The following SPATA6L variants were observed in gnomAD, a reference collection of about 807,000 sequenced individuals.
SPATA6L encodes the protein spermatogenesis associated 6 like, also known as spermatogenesis associated 6-like protein.
A neutral mutation model predicts 49.2 loss-of-function variants in SPATA6L; 68 were observed. That is an observed-to-expected ratio of 1.38 (90% CI 1.14 to 1.69). The LOEUF is 1.69. Among genes scored for constraint, SPATA6L ranks in the 40% most tolerant of loss-of-function variants. SPATA6L has a pLI of 0.00. For synonymous variants in SPATA6L, 198 were observed against 165.7 expected (o/e 1.19, Z -1.50); for missense variants, 668 against 464.3 (o/e 1.44, Z -4.03).
At chr9:4,643,922 A>G (rs1834636643) in intron 3 of SPATA6L, among the ~76,000 whole-genome samples, 1 of 151,658 alleles carries the variant, frequency 6.6e-6, no homozygotes, top group Admixed American at 6.6e-5. Flanking sequence ...CAGGAGAATC[A>G]CTTGAACACG....
chr9:4,659,282 C>G (rs1485778364), intron 2 of SPATA6L, among the ~76,000 whole-genome samples: 1 of 152,204 alleles, frequency 6.6e-6, no homozygotes, highest in Non-Finnish European at 1.5e-5. Context: ...AGATAGGTCA[C>G]TTTCTGGGCA....
At chr9:4,657,468 G>C (rs1587505404) in intron 2 of SPATA6L, among the ~76,000 whole-genome samples, 1 of 151,910 alleles carries the variant, frequency 6.6e-6, no homozygotes, top group East Asian at 1.9e-4. Context: ...GATCATACTG[G>C]GATAGGGTAG....
chr9:4,629,097 T>C lies in SPATA6L; in HGVS notation c.423A>G (p.Arg141=). The C allele has an allele frequency of 1.9e-6, 3 of 1,604,950 alleles. No individual in the cohort carries two copies. The highest frequency in any genetic ancestry group is 2.6e-6 in the Non-Finnish European group (3 of 1,174,260). Residue 141 remains arginine, a synonymous_variant, in exon 5 of 12, where the codon AGA becomes AGG. Transcript: ENST00000682582. ...AGATTTGTATTGTACTTACAAGAAA[T>C]CTGTTTCTATGCAGAAACACACATT... The part of the protein sequence containing the change: ...IRECVFLHRN[R]FLEERHESRR...
In SPATA6L at chr9:4,662,954, C is replaced by T. The variant is rs764381545; in HGVS notation, c.40-918G>A. On this transcript the variant is annotated intron_variant, in intron 1 of 11. Coordinates refer to ENST00000682582, the MANE Select transcript of SPATA6L (RefSeq NM_001353486.2). This position sits in a 1 kb window ranked among gnomAD's most constrained non-coding sequence, Gnocchi z 4.9. The stretch of plus-strand genomic sequence containing the variant: ...GGCTGGTCCGCAGGCGCCGCCCGGC[C>T]CACAACCAGATGGACATGTTTGTCA... 6.2e-7 allele frequency: 1 copy of T among 1,612,496 alleles called. No homozygotes were observed. Among genetic ancestry groups the T allele is most frequent in the Non-Finnish European group, 8.5e-7 (1 of 1,179,942 alleles).
intron 5 of SPATA6L, 50 bp downstream of exon 5, chr9:4,629,041 G>GA (rs199719649): frequency 0.016 from 18,219 of 1,131,136 alleles, no homozygotes; most frequent in Non-Finnish European, 0.018. Context: ...CTTTAAATTT[G>GA]AAAAAAAAAA....
intron 3 of SPATA6L, among the ~76,000 whole-genome samples, chr9:4,645,484 G>T (rs951359744): frequency 2.6e-5 from 4 of 152,122 alleles, no homozygotes; most frequent in Non-Finnish European, 5.9e-5. Context: ...GTGACACAGG[G>T]AATCACATAG....
intron 10 of SPATA6L, 127 bp downstream of exon 10, chr9:4,605,220 T>C (rs1824448299): frequency 2.8e-6 from 2 of 711,162 alleles, no homozygotes; most frequent in East Asian, 2.7e-5. Context: ...ATCTCCTTGG[T>C]AAGCCTCACA....
chr9:4,662,434 G>A lies in SPATA6L; in HGVS notation c.40-398C>T. ...CCGCTGGGCGTCTCCGCTTCGAGCA[G>A]CAGCAGCAGCCCCGGCAGCCCAGCC... On this transcript the variant is annotated intron_variant, in intron 1 of 11. Coordinates refer to ENST00000682582, the MANE Select transcript of SPATA6L (RefSeq NM_001353486.2). This position sits in a 1 kb window ranked among gnomAD's most constrained non-coding sequence, Gnocchi z 4.9. The A allele has an allele frequency of 2.6e-6, 4 of 1,543,546 alleles. No individual in the cohort carries two copies. The highest frequency in any genetic ancestry group is 3.5e-6 in the Non-Finnish European group (4 of 1,153,202).
In SPATA6L at chr9:4,622,512, T is replaced by C; in HGVS notation, c.670-2A>G. The stretch of plus-strand genomic sequence containing the variant: ...ACCAAAGGGCTTTGCACTGTCCACC[T>C]GAAAGTAAAGGAAAGAAATAAGACT... On this transcript the variant is annotated splice_acceptor_variant, in intron 6 of 11. Transcript: ENST00000682582. LOFTEE classifies it high-confidence loss of function. 2 of 1,599,414 alleles carry C rather than the reference T, an allele frequency of 1.3e-6. No homozygotes were observed. Among genetic ancestry groups the C allele is most frequent in the Non-Finnish European group, 1.7e-6 (2 of 1,169,008 alleles).
At chr9:4,646,417 A>G (rs1289156240) in intron 3 of SPATA6L, 1 of 1,176,414 alleles carries the variant, frequency 8.5e-7, no homozygotes, top group Non-Finnish European at 1.2e-6. Context: ...TACAGTCCCC[A>G]TTTTGACAGG....
In SPATA6L at chr9:4,662,620, C is replaced by G; in HGVS notation, c.40-584G>C. 1 of 1,596,050 alleles carries G rather than the reference C, an allele frequency of 6.3e-7. No individual in the cohort carries two copies. The highest frequency in any genetic ancestry group is 8.5e-7 in the Non-Finnish European group (1 of 1,178,402). On this transcript the variant is annotated intron_variant, in intron 1 of 11. Coordinates refer to ENST00000682582, the MANE Select transcript of SPATA6L (RefSeq NM_001353486.2). The surrounding 1 kb of genome is among the most constrained non-coding windows in gnomAD (Gnocchi z 4.9). Reference sequence around the variant, plus strand: ...GCCGCGGCGGGCCCCTCGCAGTCGCCCGCGCCTCCGCTGCCCGAGGAGGAC... The same window carrying G: ...GCCGCGGCGGGCCCCTCGCAGTCGCGCGCGCCTCCGCTGCCCGAGGAGGAC...
At chr9:4,648,506 T>C (rs891953466) in intron 3 of SPATA6L, among the ~76,000 whole-genome samples, 4 of 148,800 alleles carry the variant, frequency 2.7e-5, no homozygotes, top group African/African-American at 5.0e-5. Flanking sequence ...GAGACCATCC[T>C]GGTCTAACTC....
intron 9 of SPATA6L, among the ~76,000 whole-genome samples, chr9:4,606,947 A>C (rs1825390059): frequency 6.9e-6 from 1 of 145,854 alleles, no homozygotes; most frequent in Non-Finnish European, 1.5e-5. Flanking sequence ...AGAAGTGCTT[A>C]AAGGAGCTGA....
At position 4,629,103 on chromosome 9, in the gene SPATA6L, T is replaced by C. The variant is rs1830926068; in HGVS notation, c.417A>G (p.Arg139=). The part of the protein sequence containing the change: ...TAIRECVFLH[R]NRFLEERHES... ...GTATTGTACTTACAAGAAATCTGTT[T>C]CTATGCAGAAACACACATTCTCTGA... The change falls in exon 5 of 12, where the codon AGA becomes AGG. Residue 139 remains arginine, a synonymous_variant. Coordinates refer to ENST00000682582, the MANE Select transcript of SPATA6L (RefSeq NM_001353486.2). 6.2e-7 allele frequency: 1 copy of C among 1,608,930 alleles called. No individual in the cohort carries two copies. Among genetic ancestry groups the C allele is most frequent in the Non-Finnish European group, 8.5e-7 (1 of 1,177,046 alleles).
chr9:4,640,291 T>C (rs1314489280), intron 3 of SPATA6L, among the ~76,000 whole-genome samples: 1 of 152,216 alleles, frequency 6.6e-6, no homozygotes, highest in Non-Finnish European at 1.5e-5. Context: ...CTTTATTTCT[T>C]GGCAGCAAAG....
chr9:4,599,844 T>C lies in SPATA6L; in HGVS notation c.*967A>G, dbSNP rs1822792965. On this transcript the variant is annotated 3_prime_UTR_variant, in exon 12 of 12. Transcript: ENST00000682582. ...TGAGGGGACACAAACATTCACACTA[T>C]AGTAGGGCTGGTAGAGGAAAATGCT... 6.6e-6 allele frequency among the ~76,000 whole-genome samples: 1 copy of C among 152,256 alleles called. No individual in the cohort carries two copies. The highest frequency in any genetic ancestry group is 1.5e-5 in the Non-Finnish European group (1 of 68,014).
chr9:4,627,827 T>C, intron 5 of SPATA6L: 1 of 1,288,616 alleles, frequency 7.8e-7, no homozygotes, highest in Non-Finnish European at 1.0e-6. Flanking sequence ...ACTGCAGCAC[T>C]ATTCACAATA....
At chr9:4,631,587 A>G (rs570398874) in intron 4 of SPATA6L, among the ~76,000 whole-genome samples, 1 of 152,054 alleles carries the variant, frequency 6.6e-6, no homozygotes, top group Non-Finnish European at 1.5e-5. Flanking sequence ...AGCAAGTGAA[A>G]TAAAACAGCA....
intron 13 of SPATA6L, among the ~76,000 whole-genome samples, chr9:4,592,540 A>G (rs1335594474): frequency 6.6e-5 from 10 of 152,172 alleles, no homozygotes; most frequent in African/African-American, 2.4e-4. Flanking sequence ...CAACAAATAG[A>G]TCGCTCAGCC....
Sources: allele counts gnomAD v4.1 joint callset (sites outside exome capture counted in the v4.1 genomes callset), GRCh38; gene constraint gnomAD v4.1.1; non-coding constraint Gnocchi (gnomAD v3.1); transcripts MANE v1.5; gene names NCBI Gene and HGNC (gene_info 2026-07-23, HGNC 2026-07-21).